The following XPR1 variants were observed in gnomAD, a reference collection of about 807,000 sequenced individuals.
XPR1 encodes xenotropic and polytropic retrovirus receptor 1, also known as solute carrier family 53 member 1.
Under a neutral mutation model 87.5 loss-of-function variants are expected in XPR1, and 28 were observed. That is an observed-to-expected ratio of 0.32 (90% CI 0.24 to 0.44). XPR1 has a LOEUF of 0.44. Ranked by LOEUF, XPR1 falls within the 20% of genes least tolerant of loss-of-function variation. The pLI is 1.00. For synonymous variants in XPR1, 300 were observed against 306.1 expected (o/e 0.98, Z 0.21); for missense variants, 559 against 862.3 (o/e 0.65, Z 4.41).
chr1:180,813,795 A>G (rs1650309303), intron 7 of XPR1, among the ~76,000 whole-genome samples: 1 of 152,180 alleles, frequency 6.6e-6, no homozygotes, highest in African/African-American at 2.4e-5. Context: ...ATAAAGGGCT[A>G]AATTTTGTTC....
intron 2 of XPR1, among the ~76,000 whole-genome samples, chr1:180,715,455 C>G (rs1199871363): frequency 6.6e-6 from 1 of 152,114 alleles, no homozygotes; most frequent in Non-Finnish European, 1.5e-5. Context: ...AAGCCAGGAG[C>G]TGTCTATTGG....
intron 2 of XPR1, among the ~76,000 whole-genome samples, chr1:180,758,389 A>G (rs919511647): frequency 6.6e-6 from 1 of 152,192 alleles, no homozygotes; most frequent in Non-Finnish European, 1.5e-5. Flanking sequence ...AAAAGTATTT[A>G]TTACCACTGA....
chr1:180,727,217 A>G (rs1421441258), intron 2 of XPR1, among the ~76,000 whole-genome samples: 1 of 152,138 alleles, frequency 6.6e-6, no homozygotes, highest in East Asian at 1.9e-4. Flanking sequence ...ATACAATGTA[A>G]GTGGGATATA....
At chr1:180,642,750 C>G (rs1654998928) in intron 1 of XPR1, among the ~76,000 whole-genome samples, 1 of 152,112 alleles carries the variant, frequency 6.6e-6, no homozygotes, top group African/African-American at 2.4e-5. Context: ...GTCTCCTGAT[C>G]ACAGTATGTA....
At chr1:180,835,294 CT>C (rs1651240057) in intron 10 of XPR1, among the ~76,000 whole-genome samples, 1 of 152,184 alleles carries the variant, frequency 6.6e-6, no homozygotes, top group Non-Finnish European at 1.5e-5. Flanking sequence ...AATTCTAAAA[CT>C]TTCTTCTAGC....
intron 2 of XPR1, among the ~76,000 whole-genome samples, chr1:180,710,408 C>G (rs552923052): frequency 6.1e-4 from 93 of 152,020 alleles, no homozygotes; most frequent in East Asian, 5.8e-4. Context: ...TGACTCTTAA[C>G]GAGCATGCTG....
At chr1:180,742,022 CTT>C (rs1658937465) in intron 2 of XPR1, among the ~76,000 whole-genome samples, 1 of 151,194 alleles carries the variant, frequency 6.6e-6, no homozygotes, top group Admixed American at 6.6e-5. Context: ...TAATTTGTGT[CTT>C]TTCTTTTTTC....
At chr1:180,799,465 C>T (rs1221803868) in intron 3 of XPR1, among the ~76,000 whole-genome samples, 1 of 152,140 alleles carries the variant, frequency 6.6e-6, no homozygotes, top group East Asian at 1.9e-4. Flanking sequence ...TAGTAAAAGA[C>T]CATTTTCTTC....
chr1:180,711,280 T>C (rs1321400623), intron 2 of XPR1, among the ~76,000 whole-genome samples: 3 of 152,096 alleles, frequency 2.0e-5, no homozygotes, highest in Non-Finnish European at 2.9e-5. Flanking sequence ...AGGTGGAGGT[T>C]GTAGCCAGCC....
intron 1 of XPR1, among the ~76,000 whole-genome samples, chr1:180,647,965 G>A (rs537611359): frequency 6.6e-6 from 1 of 151,672 alleles, no homozygotes; most frequent in East Asian, 1.9e-4. Context: ...TGCAGTGTAG[G>A]TGTTCTATAT....
chr1:180,662,632 T>C (rs1307981033), intron 1 of XPR1, among the ~76,000 whole-genome samples: 1 of 152,200 alleles, frequency 6.6e-6, no homozygotes, highest in African/African-American at 2.4e-5. Context: ...TGCTTGGTGT[T>C]CTATAACCTT....
chr1:180,833,241 A>G (rs539422957), intron 9 of XPR1, among the ~76,000 whole-genome samples: 2 of 152,348 alleles, frequency 1.3e-5, no homozygotes, highest in South Asian at 2.1e-4. Flanking sequence ...TGTAAAGACC[A>G]TCGACAATTA....
intron 2 of XPR1, among the ~76,000 whole-genome samples, chr1:180,742,065 G>GT (rs568564207): frequency 1.2e-3 from 185 of 149,806 alleles, no homozygotes; most frequent in Middle Eastern, 3.5e-3. Flanking sequence ...TTTTTTGTTT[G>GT]TTTTTTTTAA....
At chr1:180,650,138 TTCC>T (rs758520420) in intron 1 of XPR1, among the ~76,000 whole-genome samples, 3 of 152,112 alleles carry the variant, frequency 2.0e-5, no homozygotes, top group Non-Finnish European at 4.4e-5. Context: ...TAAAAAAAAA[TTCC>T]TCGATTGTCA....
chr1:180,886,551 G>A lies in XPR1; in HGVS notation c.*2485G>A, dbSNP rs1335808908. The A allele has an allele frequency of 1.3e-5, 2 of 152,170 alleles. No individual in the cohort carries two copies. Among genetic ancestry groups the A allele is most frequent in the Non-Finnish European group, 2.9e-5 (2 of 68,034 alleles). The allele number at this position is 152,170 out of a possible 1,614,324, so 9.4% of individuals were successfully genotyped here. A position where few individuals can be genotyped will look rare whatever the true frequency, so the allele number is the denominator to read the frequency against. Reference sequence around the variant, plus strand: ...TTTCACATATGATGCAATGATAGATGTAATCCTTTTCTGAAGTGTTTGTCG... The same window carrying A: ...TTTCACATATGATGCAATGATAGATATAATCCTTTTCTGAAGTGTTTGTCG... On this transcript the variant is annotated 3_prime_UTR_variant, in exon 15 of 15. Coordinates refer to ENST00000367590, the MANE Select transcript of XPR1 (RefSeq NM_004736.4).
At chr1:180,723,140 A>G (rs898122806) in intron 2 of XPR1, among the ~76,000 whole-genome samples, 17 of 152,180 alleles carry the variant, frequency 1.1e-4, no homozygotes, top group African/African-American at 4.1e-4. Context: ...GCTTTGTTTG[A>G]TAGAAGTGTT....
At chr1:180,688,749 T>C (rs879443395) in intron 2 of XPR1, among the ~76,000 whole-genome samples, 5 of 152,192 alleles carry the variant, frequency 3.3e-5, no homozygotes, top group Non-Finnish European at 7.4e-5. Flanking sequence ...GTGGAAAATA[T>C]AAAGTGAAAT....
chr1:180,695,408 T>TTTGTGTG (rs1553237546), intron 2 of XPR1, among the ~76,000 whole-genome samples: 1 of 148,436 alleles, frequency 6.7e-6, no homozygotes, highest in Non-Finnish European at 1.5e-5. Context: ...GTAGTCCCAT[T>TTTGTGTG]TGTGTGTGTG....
In XPR1 at chr1:180,658,269, T is replaced by C. The variant is rs566581565; in HGVS notation, c.70-24091T>C. Among the ~76,000 whole-genome samples the C allele has an allele frequency of 1.2e-4, 19 of 152,346 alleles. No homozygotes were observed. The East Asian group carries it at 3.7e-3, about 29-fold the overall frequency. On this transcript the variant is annotated intron_variant, in intron 1 of 14. Transcript: ENST00000367590. ...TTGACTTCTTTCTTTCTAGCTTGGATGCCCTTTATTTCTTTCTCTTGTCTG... is the reference window on the plus strand; with the variant it reads ...TTGACTTCTTTCTTTCTAGCTTGGACGCCCTTTATTTCTTTCTCTTGTCTG...
Sources: gnomAD v4.1 joint callset for allele counts (sites outside exome capture counted in the v4.1 genomes callset) on GRCh38, gnomAD v4.1.1 for gene constraint, MANE v1.5 for transcripts, NCBI Gene and HGNC (gene_info 2026-07-23, HGNC 2026-07-21) for gene names.